The following TDRP variants were observed in gnomAD, a reference collection of about 807,000 sequenced individuals.
TDRP encodes the protein testis development-related protein.
In TDRP, 12 loss-of-function variants were observed where a neutral mutation model predicts 10.5. The observed-to-expected ratio is 1.15, with a 90% confidence interval of 0.73 to 1.86. The LOEUF is 1.86. Among genes scored for constraint, TDRP ranks in the 40% most tolerant of loss-of-function variants. The pLI is 0.00. For synonymous variants in TDRP, 139 were observed against 95.4 expected, an observed-to-expected ratio of 1.46 and a Z score of -2.67; for missense variants, 353 against 229.2, an observed-to-expected ratio of 1.54 and a Z score of -3.49.
chr8:516,132 A>C (rs1319291141), intron 1 of TDRP, among the ~76,000 whole-genome samples: 2 of 152,184 alleles, frequency 1.3e-5, no homozygotes, highest in Admixed American at 1.3e-4. Context: ...TCAAAGTACT[A>C]CACTGGTCCG....
chr8:506,078 C>A (rs1370115277), intron 1 of TDRP, among the ~76,000 whole-genome samples: 1 of 152,064 alleles, frequency 6.6e-6, no homozygotes, highest in Non-Finnish European at 1.5e-5. Flanking sequence ...TCCACTGCCA[C>A]AAAGACAGAG....
rs775002680 is a variant in TDRP at position 492,746 on chromosome 8, T to A, written c.213-2A>T. ...TCTTCTTTTAATCGTAAGTTAGTTC[T>A]ATAGGAGATGAAAGAGTTAGGTGTT... On this transcript the variant is annotated splice_acceptor_variant, in intron 2 of 2. Coordinates refer to ENST00000324079, the MANE Select transcript of TDRP (RefSeq NM_001384899.1). LOFTEE classifies it high-confidence loss of function. 1 of 1,594,912 alleles carries A rather than the reference T, an allele frequency of 6.3e-7. No individual in the cohort carries two copies. Among genetic ancestry groups the A allele is most frequent in the Non-Finnish European group, 8.6e-7 (1 of 1,169,130 alleles).
In TDRP at chr8:492,245, T is replaced by C. The variant is rs1800997170; in HGVS notation, c.*154A>G. The C allele has an allele frequency of 1.5e-6, 2 of 1,340,008 alleles. No homozygotes were observed. The highest frequency in any genetic ancestry group is 1.5e-5 in the African/African-American group (1 of 67,652). The allele number at this position is 1,340,008 out of a possible 1,614,324, so 83.0% of individuals were successfully genotyped here. A position where few individuals can be genotyped will look rare whatever the true frequency, so the allele number is the denominator to read the frequency against. On this transcript the variant is annotated 3_prime_UTR_variant, in exon 3 of 3. Transcript: ENST00000324079. ...GTTCACCAAGGAGTCACAGTGTGTG[T>C]GAGAGTTCATTAAATAAAGAAACAG... is the stretch of plus-strand genomic sequence containing the variant.
intron 1 of TDRP, among the ~76,000 whole-genome samples, chr8:505,936 C>T (rs1014593636): frequency 6.6e-6 from 1 of 152,166 alleles, no homozygotes; most frequent in Non-Finnish European, 1.5e-5. Context: ...CACCCAGTGC[C>T]AGCCAGGACA....
At chr8:518,831 A>G (rs1431522272) in intron 1 of TDRP, among the ~76,000 whole-genome samples, 1 of 152,186 alleles carries the variant, frequency 6.6e-6, no homozygotes, top group Non-Finnish European at 1.5e-5. Flanking sequence ...ATTCATACAA[A>G]TTTATTAACA....
intron 1 of TDRP, among the ~76,000 whole-genome samples, chr8:539,170 T>C (rs1395707257): frequency 1.3e-5 from 2 of 152,136 alleles, no homozygotes; most frequent in Non-Finnish European, 2.9e-5. Flanking sequence ...CATCCCCTCA[T>C]GTGATGGCAT....
intron 1 of TDRP, among the ~76,000 whole-genome samples, chr8:528,837 GTGTGTATATA>G (rs1802106611): frequency 6.6e-6 from 1 of 150,546 alleles, no homozygotes; most frequent in African/African-American, 2.5e-5. Context: ...GTATATATGT[GTGTGTATATA>G]TGTGTGTGTG....
chr8:506,748 A>G (rs1801476293), intron 1 of TDRP, among the ~76,000 whole-genome samples: 1 of 152,212 alleles, frequency 6.6e-6, no homozygotes, highest in Non-Finnish European at 1.5e-5. Flanking sequence ...TCCCTGGTGG[A>G]GAAGCAGGAC....
At chr8:525,870 A>C (rs1242287566) in intron 1 of TDRP, among the ~76,000 whole-genome samples, 1 of 152,176 alleles carries the variant, frequency 6.6e-6, no homozygotes, top group Non-Finnish European at 1.5e-5. Flanking sequence ...CAGTTTGAGT[A>C]CAATTGCTAT....
chr8:533,293 G>C (rs1290385488), intron 1 of TDRP, among the ~76,000 whole-genome samples: 5 of 152,204 alleles, frequency 3.3e-5, no homozygotes, highest in Admixed American at 1.3e-4. Context: ...TTCAAAGCCA[G>C]CACGTCCATC....
intron 1 of TDRP, among the ~76,000 whole-genome samples, chr8:503,353 C>A (rs1482504365): frequency 6.6e-6 from 1 of 151,666 alleles, no homozygotes; most frequent in Non-Finnish European, 1.5e-5. Context: ...CAGCACGTGT[C>A]AACATGGAAT....
intron 2 of TDRP, among the ~76,000 whole-genome samples, 156 bp downstream of exon 2, chr8:494,338 C>T (rs1267219653): frequency 6.6e-6 from 1 of 152,206 alleles, no homozygotes; most frequent in Non-Finnish European, 1.5e-5. Flanking sequence ...TGCCACTCAA[C>T]AGGGACAGAC....
At chr8:493,498 G>A (rs911977681) in intron 2 of TDRP, among the ~76,000 whole-genome samples, 8 of 152,236 alleles carry the variant, frequency 5.3e-5, no homozygotes, top group East Asian at 1.9e-4. Context: ...GAAGCAGACC[G>A]GGGGCCCACA....
chr8:537,170 C>T (rs145833083), intron 1 of TDRP, among the ~76,000 whole-genome samples: 74 of 152,358 alleles, frequency 4.9e-4, no homozygotes, highest in African/African-American at 1.4e-3. Flanking sequence ...CTGAGCCCCA[C>T]GTGGGCCTGG....
At chr8:540,943 T>C (rs1293605769) in intron 1 of TDRP, among the ~76,000 whole-genome samples, 1 of 152,146 alleles carries the variant, frequency 6.6e-6, no homozygotes, top group Non-Finnish European at 1.5e-5. Flanking sequence ...TCACACTGAC[T>C]GACAGATTTG....
chr8:526,645 T>C (rs577908764), intron 1 of TDRP, among the ~76,000 whole-genome samples: 5 of 152,348 alleles, frequency 3.3e-5, no homozygotes, highest in African/African-American at 9.6e-5. Flanking sequence ...GTTCATCATA[T>C]TGGCCTGTGG....
At chr8:544,879 C>A (rs1470194386), upstream of TDRP, 1 of 672,136 alleles carries the variant, frequency 1.5e-6, no homozygotes, top group Non-Finnish European at 2.1e-6. Context: ...CCGGGCGGGG[C>A]TAGGCGGGGG....
At position 519,221 on chromosome 8, in the gene TDRP, G is replaced by A. The variant is rs542965264; in HGVS notation, c.109-24624C>T. Among the ~76,000 whole-genome samples, 85 of 152,296 alleles carry A rather than the reference G, an allele frequency of 5.6e-4. 2 individuals are homozygous for A. Among genetic ancestry groups the A allele is most frequent in the African/African-American group, 2.0e-3 (82 of 41,576 alleles). Reference sequence around the variant, plus strand: ...GAACCCATCCATGTGCTGAGAGCATGCATGTTGAGAGGGATGGACGCTGTG... The same window carrying A: ...GAACCCATCCATGTGCTGAGAGCATACATGTTGAGAGGGATGGACGCTGTG... On this transcript the variant is annotated intron_variant, in intron 1 of 2. Coordinates refer to ENST00000324079, the MANE Select transcript of TDRP (RefSeq NM_001384899.1).
rs879629276 is a variant in TDRP at position 507,008 on chromosome 8, A to G, written c.109-12411T>C. On this transcript the variant is annotated intron_variant, in intron 1 of 2. Transcript: ENST00000324079. ...GGTTTAATTGACTCACAGTTCTGCA[A>G]GCTTAACAGGAAGCATGGCTGGGAA... Among the ~76,000 whole-genome samples, 5 of 152,196 alleles carry G rather than the reference A, an allele frequency of 3.3e-5. No homozygotes were observed. In the East Asian group the frequency reaches 9.6e-4, roughly 29 times the overall value.
Sources: gnomAD v4.1 joint callset for allele counts (sites outside exome capture counted in the v4.1 genomes callset) on GRCh38, gnomAD v4.1.1 for gene constraint, MANE v1.5 for transcripts, NCBI Gene and HGNC (gene_info 2026-07-23, HGNC 2026-07-21) for gene names.